Variants in B3GNT2 observed in about 807,000 individuals in gnomAD.
The protein encoded by B3GNT2 is N-acetyllactosaminide beta-1,3-N-acetylglucosaminyltransferase 2.
In B3GNT2, 12 loss-of-function variants were observed where a neutral mutation model predicts 27.6. The ratio of observed to expected loss-of-function variants is 0.44; its 90% confidence interval spans 0.28 to 0.71. B3GNT2 has a LOEUF of 0.71. Ranked by LOEUF, B3GNT2 falls within the 30% of genes least tolerant of loss-of-function variation. B3GNT2 has a pLI of 0.17. For synonymous variants in B3GNT2, 192 were observed against 189.7 expected, an observed-to-expected ratio of 1.01 and a Z score of -0.10; for missense variants, 413 against 488.5, an observed-to-expected ratio of 0.85 and a Z score of 1.46.
chr2:62,220,698 G>T (rs1674674456), intron 1 of B3GNT2, among the ~76,000 whole-genome samples: 1 of 152,136 alleles, frequency 6.6e-6, no homozygotes, highest in African/African-American at 2.4e-5. Flanking sequence ...TATAAAATGG[G>T]AATGAGTAAT....
intron 1 of B3GNT2, among the ~76,000 whole-genome samples, chr2:62,207,088 T>C (rs927036136): frequency 6.6e-6 from 1 of 152,266 alleles, no homozygotes; most frequent in African/African-American, 2.4e-5. Flanking sequence ...TCAATGCTTT[T>C]TTGATTTTGA....
rs1450670418 is a variant in B3GNT2, at chr2:62,223,009, C to T, written c.789C>T (p.Ser263=). The T allele has an allele frequency of 6.2e-7, 1 of 1,614,146 alleles. No individual in the cohort carries two copies. The highest frequency in any genetic ancestry group is 8.5e-7 in the Non-Finnish European group (1 of 1,180,014). ...TCCTGAATTACTTGAATAGTTTATC[C>T]AAGACCAAAGCCAAAGATCTCTTCA... ...HHILNYLNSL[S]KTKAKDLFIG... is the part of the protein sequence containing the mutation. The change falls in exon 2 of 2, where the codon TCC becomes TCT. Residue 263 remains serine, a synonymous_variant. Coordinates refer to ENST00000301998, the MANE Select transcript of B3GNT2 (RefSeq NM_006577.6).
intron 1 of B3GNT2, among the ~76,000 whole-genome samples, chr2:62,200,875 T>C (rs1369603369): frequency 2.0e-5 from 3 of 152,224 alleles, no homozygotes; most frequent in Non-Finnish European, 4.4e-5. Flanking sequence ...TTACCACTTA[T>C]TGTGTGACTA....
At position 62,207,219 on chromosome 2, in the gene B3GNT2, G is replaced by A. The variant is rs567133194; in HGVS notation, c.-10+10864G>A. On this transcript the variant is annotated intron_variant, in intron 1 of 1. Transcript: ENST00000301998. ...TTTTAAGACAGGGTCTCACTCTGTCGCTCAGGTTGGAGTGCCGTGGCACGA... is the reference window on the plus strand; with the variant it reads ...TTTTAAGACAGGGTCTCACTCTGTCACTCAGGTTGGAGTGCCGTGGCACGA... Among the ~76,000 whole-genome samples the A allele has an allele frequency of 5.9e-5, 9 of 151,804 alleles. No homozygotes were observed. The South Asian group carries it at 1.2e-3, about 21-fold the overall frequency.
chr2:62,223,526 T>G lies in B3GNT2; in HGVS notation c.*112T>G. Reference sequence around the variant, plus strand: ...AAACCATGAAAATTGCCTTTATGAGTGATACCCATTTGAGGGCCTCTAAAC... The same window carrying G: ...AAACCATGAAAATTGCCTTTATGAGGGATACCCATTTGAGGGCCTCTAAAC... On this transcript the variant is annotated 3_prime_UTR_variant, in exon 2 of 2. Coordinates refer to ENST00000301998, the MANE Select transcript of B3GNT2 (RefSeq NM_006577.6). 1 of 953,300 alleles carries G rather than the reference T, an allele frequency of 1.0e-6. No homozygotes were observed. The highest frequency in any genetic ancestry group is 1.6e-6 in the Non-Finnish European group (1 of 643,924). The allele number at this position is 953,300 out of a possible 1,614,324, so 59.1% of individuals were successfully genotyped here.
intron 1 of B3GNT2, among the ~76,000 whole-genome samples, chr2:62,204,964 G>A (rs1674343408): frequency 6.6e-6 from 1 of 152,192 alleles, no homozygotes; most frequent in Admixed American, 6.5e-5. Flanking sequence ...TCTAGAGAGG[G>A]AGAGAGAAGA....
chr2:62,221,636 G>GT (rs2104212856), intron 1 of B3GNT2, among the ~76,000 whole-genome samples: 1 of 152,250 alleles, frequency 6.6e-6, no homozygotes, highest in Admixed American at 6.5e-5. Context: ...ACCAGTCCCT[G>GT]TTTCTACATT....
chr2:62,222,839 G>A lies in B3GNT2; in HGVS notation c.619G>A (p.Asp207Asn), dbSNP rs746099962. The part of the protein sequence containing the change: ...MLKFESEKHQ[D>N]ILMWNYRDTF... ...GAAATTTGAGAGTGAGAAGCACCAA[G>A]ACATTCTTATGTGGAACTACAGAGA... Residue 207 changes from aspartate (D) to asparagine (N), a missense_variant, in exon 2 of 2, where the codon GAC becomes AAC. By Grantham distance (23) the Asp-to-Asn change is conservative. Transcript: ENST00000301998. The surrounding 1 kb of genome is among the most constrained non-coding windows in gnomAD (Gnocchi z 4.2). 2 of 1,614,168 alleles carry A rather than the reference G, an allele frequency of 1.2e-6. No individual in the cohort carries two copies. Among genetic ancestry groups the A allele is most frequent in the Non-Finnish European group, 8.5e-7 (1 of 1,180,042 alleles).
At position 62,223,249 on chromosome 2, in the gene B3GNT2, C is replaced by T. The variant is rs1477614585; in HGVS notation, c.1029C>T (p.Leu343=). The T allele has an allele frequency of 6.8e-6, 11 of 1,614,056 alleles. No homozygotes were observed. The highest frequency in any genetic ancestry group is 3.3e-5 in the Admixed American group (2 of 59,996). The change falls in exon 2 of 2, where the codon CTC becomes CTT. Residue 343 remains leucine (L), a synonymous_variant. Transcript: ENST00000301998. The part of the protein sequence containing the change: ...DVYTGMCLQK[L]GLVPEKHKGF... ...ATACTGGAATGTGCCTTCAGAAACTCGGCCTCGTTCCAGAGAAACACAAAG... is the reference window on the plus strand; with the variant it reads ...ATACTGGAATGTGCCTTCAGAAACTTGGCCTCGTTCCAGAGAAACACAAAG...
At chr2:62,197,695 A>T (rs1457269031) in intron 1 of B3GNT2, among the ~76,000 whole-genome samples, 2 of 152,192 alleles carry the variant, frequency 1.3e-5, no homozygotes, top group Non-Finnish European at 2.9e-5. Context: ...GTGCCTCTGG[A>T]GGTGGTAAAC....
At chr2:62,204,053 T>C (rs923953132) in intron 1 of B3GNT2, among the ~76,000 whole-genome samples, 12 of 152,304 alleles carry the variant, frequency 7.9e-5, no homozygotes, top group Middle Eastern at 3.4e-3. Flanking sequence ...TGAGACAGAA[T>C]TTCCCTCTTG....
intron 1 of B3GNT2, among the ~76,000 whole-genome samples, chr2:62,198,072 T>A (rs1674189095): frequency 6.6e-6 from 1 of 152,244 alleles, no homozygotes; most frequent in African/African-American, 2.4e-5. Flanking sequence ...TATCATTAGA[T>A]CTTCTGTTTG....
chr2:62,223,481 A>G lies in B3GNT2; in HGVS notation c.*67A>G, dbSNP rs1311790559. 7 of 1,334,102 alleles carry G rather than the reference A, an allele frequency of 5.2e-6. No homozygotes were observed. The highest frequency in any genetic ancestry group is 2.9e-5 in the South Asian group (2 of 68,194). The allele number at this position is 1,334,102 out of a possible 1,614,324, so 82.6% of individuals were successfully genotyped here. On this transcript the variant is annotated 3_prime_UTR_variant, in exon 2 of 2. Transcript: ENST00000301998. The stretch of plus-strand genomic sequence containing the variant: ...AATAGTTCCCATGTTGTGTTCTCAC[A>G]TTAGAGTAATTTCTATATTAAACCA...
chr2:62,211,893 A>G (rs544401365), intron 1 of B3GNT2, among the ~76,000 whole-genome samples: 1 of 152,286 alleles, frequency 6.6e-6, no homozygotes, highest in African/African-American at 2.4e-5. Flanking sequence ...GCTGTTGACT[A>G]AAGGGCTGTC....
chr2:62,214,262 G>C (rs143511659), intron 1 of B3GNT2, among the ~76,000 whole-genome samples: 1 of 152,332 alleles, frequency 6.6e-6, no homozygotes, highest in African/African-American at 2.4e-5. Context: ...GTGTCCAGGG[G>C]ACTGAAGACT....
intron 1 of B3GNT2, among the ~76,000 whole-genome samples, chr2:62,212,006 ACT>A (rs1674489962): frequency 6.6e-6 from 1 of 152,006 alleles, no homozygotes; most frequent in African/African-American, 2.4e-5. Flanking sequence ...GTTAGAAATG[ACT>A]CTGGGTTGGT....
At chr2:62,219,537 A>G (rs1381448465) in intron 1 of B3GNT2, among the ~76,000 whole-genome samples, 1 of 152,126 alleles carries the variant, frequency 6.6e-6, no homozygotes, top group Non-Finnish European at 1.5e-5. Flanking sequence ...GGCCTACCAA[A>G]GCAAAGTGCT....
intron 1 of B3GNT2, among the ~76,000 whole-genome samples, chr2:62,206,115 G>C (rs1349618026): frequency 6.6e-6 from 1 of 152,152 alleles, no homozygotes; most frequent in Non-Finnish European, 1.5e-5. Flanking sequence ...GGGGAGGATA[G>C]TAGTTGTTGT....
At chr2:62,205,377 C>T (rs979477706) in intron 1 of B3GNT2, among the ~76,000 whole-genome samples, 1 of 152,116 alleles carries the variant, frequency 6.6e-6, no homozygotes, top group Non-Finnish European at 1.5e-5. Context: ...ATGATGCCTC[C>T]CCTTTTATAG....
Sources: allele counts gnomAD v4.1 joint callset (sites outside exome capture counted in the v4.1 genomes callset), GRCh38; gene constraint gnomAD v4.1.1; non-coding constraint Gnocchi (gnomAD v3.1); transcripts MANE v1.5; gene names NCBI Gene and HGNC (gene_info 2026-07-23, HGNC 2026-07-21).